Variants in ZYG11B observed in about 807,000 individuals in gnomAD.
ZYG11B encodes protein zyg-11 homolog B.
A neutral mutation model predicts 82.4 loss-of-function variants in ZYG11B; 36 were observed. The observed-to-expected ratio is 0.44, with a 90% confidence interval of 0.33 to 0.58. The LOEUF (loss-of-function observed/expected upper bound fraction) is 0.58. ZYG11B is among the 20% of genes least tolerant of loss of function. The probability of loss-of-function intolerance (pLI) is 0.02; values close to 1 mark genes in which losing one functional copy is unlikely to be tolerated. For synonymous variants in ZYG11B, 303 were observed against 312.8 expected, an observed-to-expected ratio of 0.97 and a Z score of 0.33; for missense variants, 552 against 895.6, an observed-to-expected ratio of 0.62 and a Z score of 4.90.
At chr1:52,753,673 C>T (rs1472399946) in intron 1 of ZYG11B, among the ~76,000 whole-genome samples, 2 of 151,784 alleles carry the variant, frequency 1.3e-5, no homozygotes, top group Non-Finnish European at 2.9e-5. Flanking sequence ...CTCGGCTCAT[C>T]GCAACCTCTG....
At chr1:52,818,453 G>A (rs1299753865) in intron 13 of ZYG11B, among the ~76,000 whole-genome samples, 1 of 151,710 alleles carries the variant, frequency 6.6e-6, no homozygotes, top group African/African-American at 2.4e-5. Context: ...TGGCCTGGGT[G>A]ACAGAGTGAG....
chr1:52,803,645 A>G (rs901609810), intron 10 of ZYG11B, among the ~76,000 whole-genome samples: 3 of 152,124 alleles, frequency 2.0e-5, no homozygotes, highest in Non-Finnish European at 4.4e-5. Context: ...TCTGTTGCCC[A>G]TTGTGCAGTG....
At chr1:52,747,587 T>C (rs371294504) in intron 1 of ZYG11B, among the ~76,000 whole-genome samples, 85 of 152,194 alleles carry the variant, frequency 5.6e-4, no homozygotes, top group South Asian at 2.3e-3. Flanking sequence ...TCTTTTTTTT[T>C]TCTCTCTCTC....
intron 1 of ZYG11B, among the ~76,000 whole-genome samples, chr1:52,742,914 C>G (rs1644443656): frequency 6.6e-6 from 1 of 151,046 alleles, no homozygotes; most frequent in South Asian, 2.1e-4. Context: ...GCCCGGCCAG[C>G]CGCCCCGTCC....
rs1182067343 is a variant in ZYG11B, at chr1:52,821,464, T to C, written c.2070T>C (p.Ile690=). ...KNPSRYCSML[I]EEGGLQHLYN... ...CTTCAAGGTATTGCAGCATGCTGAT[T>C]GAAGAAGGAGGATTGCAGCATTTAT... The change falls in exon 14 of 14, where the codon ATT becomes ATC. Residue 690 remains isoleucine (I), a synonymous_variant. Coordinates refer to ENST00000294353, the MANE Select transcript of ZYG11B (RefSeq NM_024646.3). 1 of 1,597,506 alleles carries C rather than the reference T, an allele frequency of 6.3e-7. No homozygotes were observed. Among genetic ancestry groups the C allele is most frequent in the East Asian group, 2.2e-5 (1 of 44,570 alleles).
chr1:52,735,541 A>AT (rs1020591595), intron 1 of ZYG11B, among the ~76,000 whole-genome samples: 9 of 151,470 alleles, frequency 5.9e-5, no homozygotes, highest in Non-Finnish European at 1.3e-4. Context: ...CCTACTCAGA[A>AT]TTTTTTTTAT....
intron 10 of ZYG11B, among the ~76,000 whole-genome samples, chr1:52,811,908 G>A (rs528411): frequency 0.091 from 13,762 of 152,064 alleles, 792 homozygotes; most frequent in East Asian, 0.17. Context: ...GCGGTTGCCT[G>A]TAGCCCCAGG....
At chr1:52,778,936 G>T (rs1329172649) in intron 3 of ZYG11B, among the ~76,000 whole-genome samples, 1 of 152,042 alleles carries the variant, frequency 6.6e-6, no homozygotes, top group African/African-American at 2.4e-5. Flanking sequence ...CAAGCATAAC[G>T]CTAGCTATTG....
intron 8 of ZYG11B, among the ~76,000 whole-genome samples, chr1:52,797,972 A>T (rs12022382): frequency 0.11 from 16,214 of 151,664 alleles, 1,945 homozygotes; most frequent in East Asian, 0.34. Flanking sequence ...CCAAAAAAAA[A>T]AAAAATTGGA....
At chr1:52,767,929 C>A (rs1293524790) in intron 2 of ZYG11B, among the ~76,000 whole-genome samples, 1 of 152,180 alleles carries the variant, frequency 6.6e-6, no homozygotes, top group South Asian at 2.1e-4. Flanking sequence ...CAGAAGGTAT[C>A]TACTAACATC....
In ZYG11B at chr1:52,821,577, GC is replaced by G; in HGVS notation, c.2185del (p.His729MetfsTer15). On this transcript the variant is annotated frameshift_variant, in exon 14 of 14. Coordinates refer to ENST00000294353, the MANE Select transcript of ZYG11B (RefSeq NM_024646.3). LOFTEE classifies it high-confidence loss of function. ...ILDSLEKHIV[R>X]HGRPPPCKKQ... is the part of the protein sequence containing the mutation. ...GATAGCTTAGAAAAACACATTGTGC[GC>G]CATGGGAGGCCACCTCCCTGTAAAA... 1 of 1,614,052 alleles carries G rather than the reference GC, an allele frequency of 6.2e-7. No homozygotes were observed. Among genetic ancestry groups the G allele is most frequent in the Non-Finnish European group, 8.5e-7 (1 of 1,179,980 alleles).
chr1:52,760,975 C>G (rs1644625415), intron 2 of ZYG11B, among the ~76,000 whole-genome samples: 2 of 152,064 alleles, frequency 1.3e-5, no homozygotes, highest in African/African-American at 4.8e-5. Context: ...GTTGGCCAGG[C>G]TGGTCTCGAA....
intron 1 of ZYG11B, among the ~76,000 whole-genome samples, chr1:52,732,759 G>C (rs191334738): frequency 6.7e-6 from 1 of 150,304 alleles, no homozygotes; most frequent in East Asian, 2.0e-4. Flanking sequence ...GCAAGACTCT[G>C]TCTCAAAAAA....
At chr1:52,817,906 C>T (rs1442788002) in intron 13 of ZYG11B, among the ~76,000 whole-genome samples, 6 of 135,668 alleles carry the variant, frequency 4.4e-5, no homozygotes, top group Admixed American at 7.7e-5. Flanking sequence ...GGTGCGATCT[C>T]GGCTCACCAC....
chr1:52,813,463 G>T lies in ZYG11B; in HGVS notation c.1696-73G>T, dbSNP rs534380583. The T allele has an allele frequency of 1.2e-4, 141 of 1,173,606 alleles. 2 individuals carry two copies. In the South Asian group the frequency reaches 2.2e-3, roughly 18 times the overall value. 72.7% of individuals were successfully genotyped at this position (1,173,606 alleles called of 1,614,324 possible). The stretch of plus-strand genomic sequence containing the variant: ...CTTCCTGAATTGCCTGTTATCCAGG[G>T]CCTAAAAACAGTTATCTTAACCATT... On this transcript the variant is annotated intron_variant, in intron 10 of 13. Transcript: ENST00000294353.
intron 10 of ZYG11B, among the ~76,000 whole-genome samples, chr1:52,809,568 A>G (rs1238294756): frequency 2.0e-5 from 3 of 152,146 alleles, no homozygotes; most frequent in African/African-American, 7.2e-5. Context: ...TGATAATTCT[A>G]TTTTTAAATT....
intron 8 of ZYG11B, among the ~76,000 whole-genome samples, chr1:52,801,257 A>T (rs1196725835): frequency 1.3e-5 from 2 of 152,126 alleles, no homozygotes; most frequent in South Asian, 2.1e-4. Context: ...TAGTCAACAT[A>T]GACTAATTCT....
chr1:52,767,032 ATTTATTTTAT>A (rs1644696543), intron 2 of ZYG11B, among the ~76,000 whole-genome samples: 1 of 150,128 alleles, frequency 6.7e-6, no homozygotes, highest in Non-Finnish European at 1.5e-5. Flanking sequence ...ATTTTATTTT[ATTTATTTTAT>A]GTTATTTTAT....
intron 1 of ZYG11B, among the ~76,000 whole-genome samples, chr1:52,741,321 A>AAAAAAAAAAAAAAAAAAGT (rs1481484800): frequency 8.0e-6 from 1 of 125,480 alleles, no homozygotes; most frequent in East Asian, 2.5e-4. Flanking sequence ...AAAAAAAAAG[A>AAAAAAAAAAAAAAAAAAGT]AAAGAAAAGA....
Sources: allele counts gnomAD v4.1 joint callset (sites outside exome capture counted in the v4.1 genomes callset), GRCh38; gene constraint gnomAD v4.1.1; transcripts MANE v1.5; gene names NCBI Gene and HGNC (gene_info 2026-07-23, HGNC 2026-07-21).